The following PLA2G4D variants were observed in gnomAD, a reference collection of about 807,000 sequenced individuals.
PLA2G4D encodes phospholipase A2 group IVD.
PLA2G4D carries 80 observed loss-of-function variants against 94.4 expected under a neutral mutation model. The observed-to-expected ratio is 0.85, with a 90% CI of 0.71 to 1.02. The LOEUF (loss-of-function observed/expected upper bound fraction) is 1.02. Ranked by LOEUF, PLA2G4D falls within the 50% of genes least tolerant of loss-of-function variation. PLA2G4D has a pLI of 0.00. For missense variants in PLA2G4D, 1,050 were observed against 1,034.7 expected (o/e 1.01, Z -0.20); for synonymous variants, 438 against 440.9 (o/e 0.99, Z 0.08).
chr15:42,083,578 C>T (rs1379876785), intron 7 of PLA2G4D, 138 bp downstream of exon 7: 1 of 1,150,524 alleles, frequency 8.7e-7, no homozygotes, highest in African/African-American at 1.5e-5. Flanking sequence ...AGATGCGTGG[C>T]CCTCTGTGCC....
In PLA2G4D at chr15:42,089,478, C is replaced by A. The variant is rs556580729; in HGVS notation, c.46-1778G>T. ...CCCAGCAGAGCACATGTGACCTCCC[C>A]GAGCAAGGTAGATTTGTTTCTCTCT... On this transcript the variant is annotated intron_variant, in intron 1 of 19. Transcript: ENST00000290472. Among the ~76,000 whole-genome samples the A allele has an allele frequency of 6.6e-5, 10 of 152,340 alleles. No homozygotes were observed. The East Asian group carries it at 1.9e-3, about 29-fold the overall frequency.
intron 12 of PLA2G4D, among the ~76,000 whole-genome samples, chr15:42,080,706 A>G (rs989010393): frequency 4.6e-5 from 7 of 152,186 alleles, no homozygotes; most frequent in Non-Finnish European, 8.8e-5. Flanking sequence ...TAAGTTGCTC[A>G]GTGTCAGCCA....
Position 42,067,910 on chromosome 15 carries a change from T to C in PLA2G4D, c.*805A>G, listed in dbSNP as rs2141090034. The C allele has an allele frequency of 6.6e-6, 1 of 152,370 alleles. No individual in the cohort carries two copies. The highest frequency in any genetic ancestry group is 2.1e-4 in the South Asian group (1 of 4,830). 9.4% of individuals were successfully genotyped at this position (152,370 alleles called of 1,614,324 possible). A position where few individuals can be genotyped will look rare whatever the true frequency, so the allele number is the denominator to read the frequency against. ...AGAGTCAGGAACAAGACAAGATGTC[T>C]GCTCTTGAAACGTGTGTTCATCATT... On this transcript the variant is annotated 3_prime_UTR_variant, in exon 20 of 20. Transcript: ENST00000290472.
intron 14 of PLA2G4D, 105 bp downstream of exon 14, chr15:42,072,170 T>C: frequency 1.8e-6 from 2 of 1,122,168 alleles, no homozygotes; most frequent in East Asian, 2.4e-5. Context: ...TTCCGGAACA[T>C]TGGGCAATCT....
intron 1 of PLA2G4D, among the ~76,000 whole-genome samples, chr15:42,089,228 T>C (rs1374833713): frequency 6.6e-6 from 1 of 152,080 alleles, no homozygotes; most frequent in Non-Finnish European, 1.5e-5. Context: ...CCCACTTCCA[T>C]GCATGTGGTT....
chr15:42,089,745 C>T (rs1426740531), intron 1 of PLA2G4D, among the ~76,000 whole-genome samples: 2 of 152,128 alleles, frequency 1.3e-5, no homozygotes, highest in Admixed American at 1.3e-4. Flanking sequence ...AGAGGCAGCC[C>T]AGCCTCGCTC....
At chr15:42,083,010 G>A (rs1473478132) in intron 8 of PLA2G4D, among the ~76,000 whole-genome samples, 188 bp downstream of exon 8, 1 of 152,226 alleles carries the variant, frequency 6.6e-6, no homozygotes, top group African/African-American at 2.4e-5. Context: ...ATATGGTGCA[G>A]CAGCCCCATG....
chr15:42,079,636 C>G lies in PLA2G4D; in HGVS notation c.1218G>C (p.Ala406=), dbSNP rs757688840. 4 of 1,612,304 alleles carry G rather than the reference C, an allele frequency of 2.5e-6. No homozygotes were observed. Among genetic ancestry groups the G allele is most frequent in the East Asian group, 2.2e-5 (1 of 44,802 alleles). ...KLEVFSPERL[A]SYRRELELRA... ...GCAGCTCCAGCTCCCGGCGGTAGCT[C>G]GCCAGGCGCTCTGGGGAAAAGACCT... The change falls in exon 13 of 20, where the codon GCG becomes GCC. Residue 406 remains alanine, a synonymous_variant. Coordinates refer to ENST00000290472, the MANE Select transcript of PLA2G4D (RefSeq NM_178034.4).
At chr15:42,087,791 C>T in intron 1 of PLA2G4D, 91 bp from the exon 2 acceptor site, 3 of 1,324,808 alleles carry the variant, frequency 2.3e-6, no homozygotes, top group Non-Finnish European at 2.1e-6. Flanking sequence ...CCTCACCACT[C>T]TCCTGGTACT....
intron 11 of PLA2G4D, 89 bp downstream of exon 11, chr15:42,081,390 A>T (rs1890035634): frequency 6.5e-7 from 1 of 1,543,480 alleles, no homozygotes; most frequent in East Asian, 2.3e-5. Context: ...CTCTCCACTG[A>T]CTGGAGTTTC....
Position 42,086,194 on chromosome 15 carries a change from T to TTACCC in PLA2G4D, c.387+18_387+19insGGGTA. ...GGAAGAAGTGGGGCCCACGGGGACT[T>TTACCC]CCCCACCCACCCACCCACCTGGGGA... On this transcript the variant is annotated intron_variant, in intron 4 of 19. Transcript: ENST00000290472. 1 of 1,370,444 alleles carries TTACCC rather than the reference T, an allele frequency of 7.3e-7. No individual in the cohort carries two copies. The highest frequency in any genetic ancestry group is 9.6e-7 in the Non-Finnish European group (1 of 1,043,084). The allele number at this position is 1,370,444 out of a possible 1,614,324, so 84.9% of individuals were successfully genotyped here.
chr15:42,071,877 G>T lies in PLA2G4D; in HGVS notation c.1470C>A (p.Phe490Leu), dbSNP rs141280268. The T allele has an allele frequency of 7.9e-5, 128 of 1,614,066 alleles. 1 individual carries two copies. Among genetic ancestry groups the T allele is most frequent in the Middle Eastern group, 1.6e-4 (1 of 6,082 alleles). ...GAGGGACGAAGGCCCCGTACTTCAG[G>T]AAACCGACCTCATAGGGGGAGAACT... is the stretch of plus-strand genomic sequence containing the variant. ...WVEFSPYEVGFLKYGAFVPPE... is the reference protein window; with the variant it reads ...WVEFSPYEVGLLKYGAFVPPE... Residue 490 changes from phenylalanine (F) to leucine (L), a missense_variant, in exon 15 of 20, where the codon TTC becomes TTA. Transcript: ENST00000290472.
intron 14 of PLA2G4D, 50 bp from the exon 15 acceptor site, chr15:42,071,961 G>T: frequency 6.3e-7 from 1 of 1,596,018 alleles, no homozygotes; most frequent in Non-Finnish European, 8.6e-7. Context: ...TGGATTGCGG[G>T]AGTCCCCAGC....
intron 13 of PLA2G4D, among the ~76,000 whole-genome samples, chr15:42,078,898 T>C (rs1167849598): frequency 1.3e-5 from 2 of 152,260 alleles, no homozygotes; most frequent in African/African-American, 2.4e-5. Flanking sequence ...GCAGTTAACT[T>C]ACTAAGCTTT....
intron 1 of PLA2G4D, among the ~76,000 whole-genome samples, chr15:42,087,930 T>C (rs1890183779): frequency 6.6e-6 from 1 of 152,214 alleles, no homozygotes; most frequent in Non-Finnish European, 1.5e-5. Flanking sequence ...CACACCCAGA[T>C]GTGGAATTTG....
intron 15 of PLA2G4D, 98 bp downstream of exon 15, chr15:42,071,676 C>CA: frequency 7.0e-7 from 1 of 1,421,762 alleles, no homozygotes; most frequent in Non-Finnish European, 9.8e-7. Context: ...ACCCCTCCCC[C>CA]TTGTCCTGAG....
At chr15:42,088,637 AG>A (rs891507943) in intron 1 of PLA2G4D, among the ~76,000 whole-genome samples, 23 of 152,190 alleles carry the variant, frequency 1.5e-4, no homozygotes, top group African/African-American at 5.5e-4. Context: ...TCGGTTTGGC[AG>A]GGCAAATGGC....
chr15:42,088,244 G>A (rs1381111997), intron 1 of PLA2G4D, among the ~76,000 whole-genome samples: 1 of 152,224 alleles, frequency 6.6e-6, no homozygotes. Flanking sequence ...TATGAATGAG[G>A]AAACTCCAAG....
chr15:42,068,474 G>A lies in PLA2G4D; in HGVS notation c.*241C>T. 1 of 543,708 alleles carries A rather than the reference G, an allele frequency of 1.8e-6. No individual in the cohort carries two copies. The highest frequency in any genetic ancestry group is 3.3e-6 in the Non-Finnish European group (1 of 303,316). The allele number at this position is 543,708 out of a possible 1,614,324, so 33.7% of individuals were successfully genotyped here. A position where few individuals can be genotyped will look rare whatever the true frequency, so the allele number is the denominator to read the frequency against. On this transcript the variant is annotated 3_prime_UTR_variant, in exon 20 of 20. Coordinates refer to ENST00000290472, the MANE Select transcript of PLA2G4D (RefSeq NM_178034.4). ...GTAATTGTGGTGTGAAAGTCTGTCT[G>A]GTTGGACCAGCTGTTCTACACACTG...
Sources: allele counts gnomAD v4.1 joint callset (sites outside exome capture counted in the v4.1 genomes callset), GRCh38; gene constraint gnomAD v4.1.1; transcripts MANE v1.5; gene names NCBI Gene and HGNC (gene_info 2026-07-23, HGNC 2026-07-21).